The following TMEM116 variants were observed in gnomAD, a reference collection of about 807,000 sequenced individuals.
TMEM116 encodes the protein transmembrane protein 116.
A neutral mutation model predicts 44.3 loss-of-function variants in TMEM116; 38 were observed. The observed-to-expected ratio is 0.86, with a 90% confidence interval of 0.66 to 1.12. The LOEUF is 1.12. Among genes scored for constraint, TMEM116 ranks in the 50% most tolerant of loss-of-function variants. TMEM116 has a pLI of 0.00. For synonymous variants in TMEM116, 132 were observed against 144.8 expected (o/e 0.91, Z 0.64); for missense variants, 354 against 401.7 (o/e 0.88, Z 1.01).
Position 111,932,613 on chromosome 12 carries a change from C to T in TMEM116, c.780G>A (p.Lys260=). ...GGAGAACATAAAGGGCCATGTGAAG[C>T]TTGGTGTCCTGTGGCTTAGTCAGCT... The part of the protein sequence containing the change: ...IIKLTKPQDT[K]LHMALYVLQA... Residue 260 remains lysine, a synonymous_variant, in exon 10 of 11, where the codon AAG becomes AAA. Coordinates refer to ENST00000552374, the MANE Select transcript of TMEM116 (RefSeq NM_001193531.2). 1 of 1,614,162 alleles carries T rather than the reference C, an allele frequency of 6.2e-7. No homozygotes were observed. Among genetic ancestry groups the T allele is most frequent in the South Asian group, 1.1e-5 (1 of 91,078 alleles).
chr12:111,982,550 G>A (rs1444641833), intron 4 of TMEM116, among the ~76,000 whole-genome samples: 2 of 151,956 alleles, frequency 1.3e-5, no homozygotes, highest in Non-Finnish European at 2.9e-5. Flanking sequence ...ATCTGCCCTC[G>A]TTGGCCTCCC....
intron 4 of TMEM116, among the ~76,000 whole-genome samples, chr12:111,987,265 T>C (rs1244866402): frequency 6.6e-6 from 1 of 151,898 alleles, no homozygotes; most frequent in Non-Finnish European, 1.5e-5. Flanking sequence ...AGCACTTTGG[T>C]AGGCTGAGGC....
At chr12:111,993,329 T>C (rs2076728817) in intron 3 of TMEM116, 4 of 503,382 alleles carry the variant, frequency 7.9e-6, no homozygotes, top group Non-Finnish European at 1.2e-5. Flanking sequence ...TTAAGGAGGA[T>C]GGTGTTCATT....
At chr12:111,972,076 G>GGAA (rs2075371505) in intron 4 of TMEM116, among the ~76,000 whole-genome samples, 2 of 57,534 alleles carry the variant, frequency 3.5e-5, no homozygotes, top group African/African-American at 6.3e-5. Context: ...CCCTATCTGT[G>GGAA]AAAAAAAAAA....
intron 4 of TMEM116, among the ~76,000 whole-genome samples, chr12:111,967,631 C>A (rs2075055865): frequency 6.6e-6 from 1 of 151,782 alleles, no homozygotes; most frequent in African/African-American, 2.4e-5. Flanking sequence ...AAAATTTGCA[C>A]CTAACAACTA....
At chr12:111,955,895 G>A (rs748272399) in intron 4 of TMEM116, among the ~76,000 whole-genome samples, 7 of 152,166 alleles carry the variant, frequency 4.6e-5, no homozygotes, top group Non-Finnish European at 8.8e-5. Flanking sequence ...TATAGCTTAG[G>A]TGTATAGTAG....
intron 8 of TMEM116, 106 bp from the exon 9 acceptor site, chr12:111,934,136 A>C: frequency 4.7e-6 from 6 of 1,270,102 alleles, no homozygotes; most frequent in Non-Finnish European, 1.1e-6. Context: ...ATCTCACAAC[A>C]GGAACGACCC....
At chr12:111,957,466 G>A (rs1053197545) in intron 4 of TMEM116, among the ~76,000 whole-genome samples, 3 of 150,032 alleles carry the variant, frequency 2.0e-5, no homozygotes, top group African/African-American at 5.0e-5. Flanking sequence ...GAGCGTCTAC[G>A]CCCGGCAGCC....
At chr12:111,939,209 C>A (rs2072446169) in intron 5 of TMEM116, among the ~76,000 whole-genome samples, 1 of 151,974 alleles carries the variant, frequency 6.6e-6, no homozygotes, top group African/African-American at 2.4e-5. Flanking sequence ...AATCCTAGCA[C>A]CATGGGAGGC....
chr12:112,002,579 GA>G (rs2077319985), intron 3 of TMEM116, among the ~76,000 whole-genome samples: 2 of 146,594 alleles, frequency 1.4e-5, no homozygotes, highest in African/African-American at 2.5e-5. Context: ...AAAAAAAAAA[GA>G]AAAAAAGAAA....
chr12:111,938,924 A>G (rs1247032308), intron 5 of TMEM116, among the ~76,000 whole-genome samples: 1 of 152,208 alleles, frequency 6.6e-6, no homozygotes, highest in African/African-American at 2.4e-5. Context: ...ATTGTTAGGG[A>G]TCAATAAGCA....
chr12:111,989,982 G>A (rs549060884), intron 4 of TMEM116, among the ~76,000 whole-genome samples: 1 of 152,262 alleles, frequency 6.6e-6, no homozygotes, highest in African/African-American at 2.4e-5. Context: ...CAGGCCGGGT[G>A]CAGTGGTTCA....
chr12:111,937,209 A>C lies in TMEM116; in HGVS notation c.400T>G (p.Cys134Gly). ...IPLLLMTPVF[C>G]LGNTSECFQN... ...AAACATTCACTAGTATTTCCCAGAC[A>C]GAATACAGGTGTCATCAATAGCAGA... Residue 134 changes from cysteine to glycine, a missense_variant, in exon 7 of 11, where the codon TGT becomes GGT. Transcript: ENST00000552374. 2.5e-6 allele frequency: 4 copies of C among 1,613,986 alleles called. No individual in the cohort carries two copies. Among genetic ancestry groups the C allele is most frequent in the Non-Finnish European group, 3.4e-6 (4 of 1,179,896 alleles).
intron 3 of TMEM116, among the ~76,000 whole-genome samples, chr12:112,003,343 C>A (rs145210452): frequency 0.015 from 2,208 of 152,184 alleles, 60 homozygotes; most frequent in African/African-American, 0.05. Flanking sequence ...CCAAGGCAGG[C>A]GGATCATGAG....
At chr12:111,964,725 T>C (rs1254525882) in intron 4 of TMEM116, among the ~76,000 whole-genome samples, 1 of 152,200 alleles carries the variant, frequency 6.6e-6, no homozygotes, top group Non-Finnish European at 1.5e-5. Flanking sequence ...TCTTGCTATG[T>C]TACCCAGGCT....
chr12:112,003,628 TAGA>T, intron 3 of TMEM116, 169 bp downstream of exon 3: 2 of 743,454 alleles, frequency 2.7e-6, no homozygotes, highest in Non-Finnish European at 3.9e-6. Context: ...AATAATTACC[TAGA>T]AGAAAAGGGA....
Position 111,991,807 on chromosome 12 carries a change from G to T in TMEM116, c.161C>A (p.Ser54Ter). 1.3e-6 allele frequency: 2 copies of T among 1,535,784 alleles called. No individual in the cohort carries two copies. The highest frequency in any genetic ancestry group is 2.4e-5 in the South Asian group (2 of 84,038). ...WLTETLLYGA[S>*]VANKDIICYN... ...GCAGATGATGTCCTTATTTGCTACT[G>T]AAGCTCCATAGAGAAGTGTCTCCGT... The change falls in exon 4 of 11, where the codon TCA (serine) becomes TAA (stop). Residue 54 changes from serine (S) to a stop codon, truncating the protein, a stop_gained. Coordinates refer to ENST00000552374, the MANE Select transcript of TMEM116 (RefSeq NM_001193531.2). LOFTEE classifies it high-confidence loss of function.
At chr12:111,970,609 C>T (rs1470922316) in intron 4 of TMEM116, among the ~76,000 whole-genome samples, 9 of 133,968 alleles carry the variant, frequency 6.7e-5, no homozygotes, top group African/African-American at 1.4e-4. Flanking sequence ...TTTTTTGAGA[C>T]GGAGTCTCGC....
chr12:111,940,933 T>C (rs1332617082), intron 5 of TMEM116, among the ~76,000 whole-genome samples: 1 of 152,188 alleles, frequency 6.6e-6, no homozygotes, highest in Non-Finnish European at 1.5e-5. Context: ...CCTGTAAGGC[T>C]GCTGGACTTT....
Sources: allele counts gnomAD v4.1 joint callset (sites outside exome capture counted in the v4.1 genomes callset), GRCh38; gene constraint gnomAD v4.1.1; transcripts MANE v1.5; gene names NCBI Gene and HGNC (gene_info 2026-07-23, HGNC 2026-07-21).